The following DAAM1 variants were observed in gnomAD, a reference collection of about 807,000 sequenced individuals.
The protein encoded by DAAM1 is disheveled-associated activator of morphogenesis 1.
Under a neutral mutation model 130.0 loss-of-function variants are expected in DAAM1, and 52 were observed. That is an observed-to-expected ratio of 0.40 (90% CI 0.32 to 0.50). The LOEUF (loss-of-function observed/expected upper bound fraction) is 0.50. Ranked by LOEUF, DAAM1 falls within the 20% of genes least tolerant of loss-of-function variation. The probability of loss-of-function intolerance (pLI) is 0.61; values close to 1 mark genes in which losing one functional copy is unlikely to be tolerated. For synonymous variants in DAAM1, 452 were observed against 444.5 expected (o/e 1.02, Z -0.21); for missense variants, 1,134 against 1,303.8 (o/e 0.87, Z 2.01).
chr14:59,194,822 A>T (rs1887834775), intron 1 of DAAM1, among the ~76,000 whole-genome samples: 1 of 152,230 alleles, frequency 6.6e-6, no homozygotes, highest in Non-Finnish European at 1.5e-5. Flanking sequence ...AACCATAGCC[A>T]CAGTTGTGAA....
At chr14:59,240,771 C>G (rs1327378468) in intron 1 of DAAM1, among the ~76,000 whole-genome samples, 1 of 152,218 alleles carries the variant, frequency 6.6e-6, no homozygotes, top group African/African-American at 2.4e-5. Context: ...TGTTGTGTGC[C>G]ATCCCTAGAT....
At chr14:59,361,952 ATAAAAAT>A (rs61011404) in intron 22 of DAAM1, among the ~76,000 whole-genome samples, 63,579 of 150,254 alleles carry the variant, frequency 0.42, 14,545 homozygotes, top group East Asian at 0.84. Context: ...CATACCTCTA[ATAAAAAT>A]TAAAGTCACA....
rs901486625 is a variant in DAAM1, at chr14:59,226,901, A to G, written c.-37-36540A>G. 3.9e-5 allele frequency among the ~76,000 whole-genome samples: 6 copies of G among 152,156 alleles called. No homozygotes were observed. In the South Asian group the frequency reaches 1.2e-3, roughly 31 times the overall value. The stretch of plus-strand genomic sequence containing the variant: ...CCTGTGGATGGCTACATAGGTTGGC[A>G]TTGCCCAACTCCAGTCACATGAAGT... On this transcript the variant is annotated intron_variant, in intron 1 of 24. Coordinates refer to ENST00000360909, the MANE Select transcript of DAAM1 (RefSeq NM_001270520.2).
Position 59,368,982 on chromosome 14 carries a change from T to G in DAAM1, c.*123T>G, listed in dbSNP as rs1408783624. 3 of 763,612 alleles carry G rather than the reference T, an allele frequency of 3.9e-6. No homozygotes were observed. The Admixed American group carries it at 8.5e-5, about 22-fold the overall frequency. The allele number at this position is 763,612 out of a possible 1,614,324, so 47.3% of individuals were successfully genotyped here. On this transcript the variant is annotated 3_prime_UTR_variant, in exon 25 of 25. Coordinates refer to ENST00000360909, the MANE Select transcript of DAAM1 (RefSeq NM_001270520.2). The stretch of plus-strand genomic sequence containing the variant: ...TTTTTCCTTCATCTGTGAGTGAATG[T>G]GTGAACGTGTGTATGTAAATGTATG...
rs1887127458 is a variant in DAAM1, at chr14:59,370,543, C to T, written c.*1684C>T. 6.6e-6 allele frequency: 1 copy of T among 152,104 alleles called. No homozygotes were observed. The highest frequency in any genetic ancestry group is 2.1e-4 in the South Asian group (1 of 4,832). 9.4% of individuals were successfully genotyped at this position (152,104 alleles called of 1,614,324 possible). On this transcript the variant is annotated 3_prime_UTR_variant, in exon 25 of 25. Transcript: ENST00000360909. The stretch of plus-strand genomic sequence containing the variant: ...GCGAGTTATCTGTGCTATGTGAAAG[C>T]TGTGAAATAGTGCTCTAAGAGTTGT...
chr14:59,213,613 A>G (rs1174452069), intron 1 of DAAM1, among the ~76,000 whole-genome samples: 3 of 152,212 alleles, frequency 2.0e-5, no homozygotes, highest in East Asian at 1.9e-4. Flanking sequence ...AATTGTTTAC[A>G]TTGTAATACC....
chr14:59,191,224 AT>A (rs1456435307), intron 1 of DAAM1, among the ~76,000 whole-genome samples: 2 of 152,118 alleles, frequency 1.3e-5, no homozygotes, highest in Non-Finnish European at 2.9e-5. Context: ...TTACGATCTT[AT>A]TTTAAGTAGG....
chr14:59,345,680 G>T (rs764385574), intron 16 of DAAM1, among the ~76,000 whole-genome samples: 5 of 152,140 alleles, frequency 3.3e-5, no homozygotes, highest in Non-Finnish European at 7.4e-5. Flanking sequence ...CGCGCTTTCA[G>T]TTGTTCAGCC....
intron 3 of DAAM1, among the ~76,000 whole-genome samples, chr14:59,306,600 A>T (rs1434117003): frequency 3.9e-5 from 6 of 152,070 alleles, no homozygotes; most frequent in Admixed American, 3.9e-4. Flanking sequence ...CTAACATGGC[A>T]TCCAGCTCTA....
chr14:59,326,807 A>C (rs1244500636), intron 11 of DAAM1, 126 bp from the exon 12 acceptor site: 31 of 1,504,092 alleles, frequency 2.1e-5, no homozygotes, highest in Non-Finnish European at 2.8e-5. Flanking sequence ...ATCTGGTCTT[A>C]AATGGGTTTC....
At chr14:59,267,675 A>G (rs1036031082) in intron 2 of DAAM1, among the ~76,000 whole-genome samples, 4 of 152,090 alleles carry the variant, frequency 2.6e-5, no homozygotes, top group Non-Finnish European at 4.4e-5. Context: ...CTCCTCATTC[A>G]TGCCTAACCC....
chr14:59,298,757 C>T (rs1884055066), intron 3 of DAAM1, among the ~76,000 whole-genome samples: 1 of 152,168 alleles, frequency 6.6e-6, no homozygotes, highest in Non-Finnish European at 1.5e-5. Flanking sequence ...CCTCCTCTTC[C>T]TCTAATTCCT....
Position 59,348,750 on chromosome 14 carries a change from C to T in DAAM1, c.2160+1127C>T, listed in dbSNP as rs73298100. Among the ~76,000 whole-genome samples, 1,214 of 152,218 alleles carry T rather than the reference C, an allele frequency of 8.0e-3. 13 individuals are homozygous for T. The highest frequency in any genetic ancestry group is 0.028 in the African/African-American group (1,170 of 41,500). The stretch of plus-strand genomic sequence containing the variant: ...TGGGTAGAGTGCCTGTCTGTTTGCA[C>T]GTGTGTTTTCCATGGTTCTCACTGA... On this transcript the variant is annotated intron_variant, in intron 17 of 24. Coordinates refer to ENST00000360909, the MANE Select transcript of DAAM1 (RefSeq NM_001270520.2).
At chr14:59,248,703 A>G (rs908984949) in intron 1 of DAAM1, among the ~76,000 whole-genome samples, 2 of 152,100 alleles carry the variant, frequency 1.3e-5, no homozygotes, top group Admixed American at 6.5e-5. Flanking sequence ...TCTGTGCATT[A>G]TTTTTATTTT....
At chr14:59,207,555 T>C (rs181881700) in intron 1 of DAAM1, among the ~76,000 whole-genome samples, 8 of 152,364 alleles carry the variant, frequency 5.3e-5, no homozygotes, top group Admixed American at 5.2e-4. Context: ...TTTCATGTTA[T>C]GTGAATGATG....
intron 1 of DAAM1, among the ~76,000 whole-genome samples, chr14:59,258,512 GATGAA>G (rs1882012848): frequency 6.6e-6 from 1 of 152,184 alleles, no homozygotes; most frequent in Admixed American, 6.5e-5. Context: ...AAATGAGAAT[GATGAA>G]ATGAAGTGAT....
chr14:59,234,259 GA>G (rs2139449804), intron 1 of DAAM1, among the ~76,000 whole-genome samples: 1 of 152,292 alleles, frequency 6.6e-6, no homozygotes, highest in African/African-American at 2.4e-5. Flanking sequence ...TCCTATCCAT[GA>G]GCATGGAATG....
At chr14:59,341,693 G>A (rs1195149545) in intron 16 of DAAM1, among the ~76,000 whole-genome samples, 1 of 152,094 alleles carries the variant, frequency 6.6e-6, no homozygotes, top group Non-Finnish European at 1.5e-5. Context: ...CTCCAATAAG[G>A]GAAGACTGCT....
chr14:59,237,179 CT>C (rs1248589521), intron 1 of DAAM1, among the ~76,000 whole-genome samples: 1 of 152,182 alleles, frequency 6.6e-6, no homozygotes, highest in Non-Finnish European at 1.5e-5. Flanking sequence ...TGATTACAAG[CT>C]CAGTTCATTT....
Sources: gnomAD v4.1 joint callset for allele counts (sites outside exome capture counted in the v4.1 genomes callset) on GRCh38, gnomAD v4.1.1 for gene constraint, MANE v1.5 for transcripts, NCBI Gene and HGNC (gene_info 2026-07-23, HGNC 2026-07-21) for gene names.